SLC2A2: variants seen among roughly 807,000 people sequenced by gnomAD.
The protein encoded by SLC2A2 is solute carrier family 2 member 2.
In SLC2A2, 36 loss-of-function variants were observed where a neutral mutation model predicts 54.5. The observed-to-expected ratio is 0.66, with a 90% CI of 0.51 to 0.87. SLC2A2 has a LOEUF of 0.87. Ranked by LOEUF, SLC2A2 falls within the 40% of genes least tolerant of loss-of-function variation. SLC2A2 has a pLI of 0.00. For synonymous variants in SLC2A2, 223 were observed against 219.1 expected (o/e 1.02, Z -0.16); for missense variants, 543 against 624.3 (o/e 0.87, Z 1.39).
intron 1 of SLC2A2, among the ~76,000 whole-genome samples, chr3:171,026,368 CTTTTT>C (rs58089695): frequency 7.7e-5 from 9 of 117,540 alleles, no homozygotes; most frequent in African/African-American, 2.2e-4. Context: ...AATCTGCCCC[CTTTTT>C]TTTTTTTTTT....
At chr3:171,014,773 T>G in intron 2 of SLC2A2, 42 bp from the exon 3 acceptor site, 1 of 1,556,508 alleles carries the variant, frequency 6.4e-7, no homozygotes, top group African/African-American at 1.4e-5. Flanking sequence ...TCAAACATTC[T>G]ATGTATTTTT....
At chr3:171,002,895 T>C (rs1236898313) in intron 7 of SLC2A2, among the ~76,000 whole-genome samples, 2 of 152,070 alleles carry the variant, frequency 1.3e-5, no homozygotes, top group Non-Finnish European at 2.9e-5. Flanking sequence ...TTATATTTAG[T>C]TGAGAACTCT....
chr3:171,009,998 T>A lies in SLC2A2; in HGVS notation c.456A>T (p.Ile152=), dbSNP rs1715809638. The A allele has an allele frequency of 6.2e-7, 1 of 1,611,930 alleles. No homozygotes were observed. Residue 152 remains isoleucine, a synonymous_variant, in exon 4 of 11, where the codon ATA becomes ATT. Coordinates refer to ENST00000314251, the MANE Select transcript of SLC2A2 (RefSeq NM_000340.2). ...MGFSKLGPSH[I]LIIAGRSISG... ...ATATGCTTCTTCCAGCAATTATAAGTATATGAGATGGTCCCAATTTTGAAA... is the reference window on the plus strand; with the variant it reads ...ATATGCTTCTTCCAGCAATTATAAGAATATGAGATGGTCCCAATTTTGAAA...
At position 171,014,684 on chromosome 3, in the gene SLC2A2, G is replaced by A. The variant is rs774684185; in HGVS notation, c.156C>T (p.Asp52=). 3 of 1,613,826 alleles carry A rather than the reference G, an allele frequency of 1.9e-6. No homozygotes were observed. In the East Asian group the frequency reaches 6.7e-5, roughly 36 times the overall value. The change falls in exon 3 of 11, where the codon GAC becomes GAT. Residue 52 remains aspartate, a synonymous_variant. Coordinates refer to ENST00000314251, the MANE Select transcript of SLC2A2 (RefSeq NM_000340.2). ...YRHVLGVPLD[D]RKAINNYVIN... ...TAACATAGTTGTTGATAGCTTTTCG[G>A]TCATCCAGTGGAACACCCAAAACAT...
intron 5 of SLC2A2, 83 bp from the exon 6 acceptor site, chr3:171,006,188 G>T: frequency 7.5e-7 from 1 of 1,332,834 alleles, no homozygotes; most frequent in Non-Finnish European, 1.1e-6. Flanking sequence ...AAGTACTTTG[G>T]CTATTTAATA....
intron 1 of SLC2A2, among the ~76,000 whole-genome samples, chr3:171,023,318 G>T (rs536772728): frequency 6.6e-6 from 1 of 152,290 alleles, no homozygotes; most frequent in Non-Finnish European, 1.5e-5. Context: ...ACTGTTTAAT[G>T]GCATTTCCTT....
At chr3:171,004,269 A>G (rs1715477648) in intron 7 of SLC2A2, among the ~76,000 whole-genome samples, 1 of 152,030 alleles carries the variant, frequency 6.6e-6, no homozygotes, top group East Asian at 1.9e-4. Flanking sequence ...GTTCAGAGAA[A>G]TTAAATTTTA....
chr3:171,011,839 A>G (rs899344749), intron 3 of SLC2A2, among the ~76,000 whole-genome samples: 1 of 152,154 alleles, frequency 6.6e-6, no homozygotes, highest in Non-Finnish European at 1.5e-5. Flanking sequence ...AAAGATAAAA[A>G]GTCATAAAAG....
intron 1 of SLC2A2, among the ~76,000 whole-genome samples, chr3:171,019,940 T>G (rs1716374327): frequency 6.6e-6 from 1 of 152,212 alleles, no homozygotes; most frequent in Non-Finnish European, 1.5e-5. Flanking sequence ...TTTTCTTGTA[T>G]TCATATGATT....
At position 171,014,575 on chromosome 3, in the gene SLC2A2, C is replaced by T; in HGVS notation, c.265G>A (p.Ala89Thr). ...CAGAGCATGGTGATTAGTTGAGCAG[C>T]TGCCACAGTCTCTTCCTCAGCCCAA... ...TPWAEEETVA[A>T]AQLITMLWSL... The change falls in exon 3 of 11, where the codon GCT becomes ACT. Residue 89 changes from alanine (A) to threonine (T), a missense_variant. Ala to Thr is a moderately conservative substitution (Grantham distance 58). Coordinates refer to ENST00000314251, the MANE Select transcript of SLC2A2 (RefSeq NM_000340.2). The T allele has an allele frequency of 6.2e-7, 1 of 1,614,140 alleles. No individual in the cohort carries two copies. The highest frequency in any genetic ancestry group is 8.5e-7 in the Non-Finnish European group (1 of 1,180,026).
chr3:171,019,758 GTAATC>G (rs767277033), intron 1 of SLC2A2, among the ~76,000 whole-genome samples: 6 of 152,158 alleles, frequency 3.9e-5, no homozygotes, highest in Admixed American at 2.0e-4. Flanking sequence ...AGGAAGTTAT[GTAATC>G]TAATGTTTTT....
intron 1 of SLC2A2, 109 bp from the exon 2 acceptor site, chr3:171,018,732 C>A: frequency 1.3e-6 from 1 of 756,976 alleles, no homozygotes; most frequent in South Asian, 1.4e-5. Flanking sequence ...CTGGTTCTTT[C>A]CCCTCAATAT....
At position 171,009,915 on chromosome 3, in the gene SLC2A2, GTGT is replaced by G. The variant is rs756251758; in HGVS notation, c.496+40_496+42del. 0.12 allele frequency: 141,563 copies of G among 1,138,302 alleles called. 4,728 individuals are homozygous for G. The highest frequency in any genetic ancestry group is 0.3 in the African/African-American group (19,829 of 65,180). 70.5% of individuals were successfully genotyped at this position (1,138,302 alleles called of 1,614,324 possible). A position where few individuals can be genotyped will look rare whatever the true frequency, so the allele number is the denominator to read the frequency against. On this transcript the variant is annotated intron_variant, in intron 4 of 10. Transcript: ENST00000314251. Reference sequence around the variant, plus strand: ...GAGTTACTTTCAGACAAAGGTAGGTGTGTGTGTGTGTGTGTGTGTGTGTGTGTG... The same window carrying G: ...GAGTTACTTTCAGACAAAGGTAGGTGGTGTGTGTGTGTGTGTGTGTGTGTG...
intron 3 of SLC2A2, among the ~76,000 whole-genome samples, chr3:171,012,133 A>G (rs1715915082): frequency 6.6e-6 from 1 of 152,110 alleles, no homozygotes; most frequent in Non-Finnish European, 1.5e-5. Context: ...CATCATCATC[A>G]TCATCAAAAT....
chr3:171,005,059 G>T (rs1715526659), intron 7 of SLC2A2, among the ~76,000 whole-genome samples: 1 of 151,896 alleles, frequency 6.6e-6, no homozygotes, highest in African/African-American at 2.4e-5. Context: ...CACCTTAATA[G>T]ATATATAGTA....
intron 1 of SLC2A2, among the ~76,000 whole-genome samples, chr3:171,026,001 A>G (rs1467364443): frequency 6.6e-5 from 10 of 152,146 alleles, no homozygotes; most frequent in African/African-American, 2.4e-4. Flanking sequence ...GTTTTGGCTG[A>G]ACCATTTACA....
chr3:171,025,585 A>T (rs1225052542), intron 1 of SLC2A2, among the ~76,000 whole-genome samples: 1 of 152,186 alleles, frequency 6.6e-6, no homozygotes, highest in Non-Finnish European at 1.5e-5. Context: ...TCAGTTAAAT[A>T]ACTTAACCCA....
chr3:171,012,390 T>A (rs922033429), intron 3 of SLC2A2, among the ~76,000 whole-genome samples: 3 of 152,166 alleles, frequency 2.0e-5, no homozygotes, highest in African/African-American at 7.2e-5. Context: ...TGAGTTCCAT[T>A]TTTGATGGGA....
rs1056984788 is a variant in SLC2A2, at chr3:170,999,314, T to A, written c.1069-148A>T. Reference sequence around the variant, plus strand: ...ATCCTTCCATTTTACAGGAGTGAGATCAAGGTGGGGAGTGACTCTAGCCCC... The same window carrying A: ...ATCCTTCCATTTTACAGGAGTGAGAACAAGGTGGGGAGTGACTCTAGCCCC... On this transcript the variant is annotated intron_variant, in intron 8 of 10. Transcript: ENST00000314251. 5.8e-6 allele frequency: 4 copies of A among 689,318 alleles called. No individual in the cohort carries two copies. In the African/African-American group the frequency reaches 7.1e-5, roughly 12 times the overall value. The allele number at this position is 689,318 out of a possible 1,614,324, so 42.7% of individuals were successfully genotyped here.
Sources: gnomAD v4.1 joint callset for allele counts (sites outside exome capture counted in the v4.1 genomes callset) on GRCh38, gnomAD v4.1.1 for gene constraint, MANE v1.5 for transcripts, NCBI Gene and HGNC (gene_info 2026-07-23, HGNC 2026-07-21) for gene names.